METTL21A: variants seen among roughly 807,000 people sequenced by gnomAD.
METTL21A encodes methyltransferase 21A, HSPA lysine.
A neutral mutation model predicts 20.9 loss-of-function variants in METTL21A; 22 were observed. The ratio of observed to expected loss-of-function variants is 1.05; its 90% CI spans 0.75 to 1.50. The LOEUF is 1.50. Among genes scored for constraint, METTL21A ranks in the 40% most tolerant of loss-of-function variants. METTL21A has a pLI of 0.00. For missense variants in METTL21A, 271 were observed against 266.8 expected (o/e 1.02, Z -0.11); for synonymous variants, 93 against 102.0 (o/e 0.91, Z 0.53).
intron 3 of METTL21A, chr2:207,601,931 C>A (rs772718974): frequency 1.1e-4 from 24 of 211,386 alleles, no homozygotes; most frequent in Admixed American, 2.4e-4. Flanking sequence ...TACACAGTCA[C>A]TGTATGTACT....
chr2:207,597,258 C>T, intron 3 of METTL21A: 1 of 493,362 alleles, frequency 2.0e-6, no homozygotes, highest in Admixed American at 4.4e-5. Context: ...CACTTCTCCC[C>T]TCAAGAAATT....
In METTL21A at chr2:207,594,991, CTT is replaced by C. The variant is rs751274446; in HGVS notation, c.260-12833_260-12832del. 1.9e-3 allele frequency among the ~76,000 whole-genome samples: 223 copies of C among 118,832 alleles called. 3 individuals are homozygous for C. The highest frequency in any genetic ancestry group is 6.4e-3 in the African/African-American group (206 of 32,110). The allele number at this position is 118,832 out of a possible 152,430, so 78.0% of individuals were successfully genotyped here. A position where few individuals can be genotyped will look rare whatever the true frequency, so the allele number is the denominator to read the frequency against. ...CCTAGTGATTAGTGATGTTGAGCATCTTTTTTTTTTTTTTTTTTTTTCTGAGA... is the reference window on the plus strand; with the variant it reads ...CCTAGTGATTAGTGATGTTGAGCATCTTTTTTTTTTTTTTTTTTTCTGAGA... On this transcript the variant is annotated intron_variant, in intron 3 of 3. Coordinates refer to the METTL21A transcript ENST00000425132.
chr2:207,602,886 T>TC, intron 3 of METTL21A: 1 of 217,254 alleles, frequency 4.6e-6, no homozygotes, highest in Admixed American at 5.8e-5. Flanking sequence ...CAGTTGTAAC[T>TC]CCCCCACTCC....
At chr2:207,598,505 C>G (rs925604563) in intron 3 of METTL21A, 1 of 166,264 alleles carries the variant, frequency 6.0e-6, no homozygotes, top group Non-Finnish European at 1.3e-5. Context: ...AAAAAAAAGA[C>G]TAAGGTGGAT....
In METTL21A at chr2:207,624,223, A is replaced by G. The variant is rs532275559; in HGVS notation, c.147+6T>C. The G allele has an allele frequency of 1.9e-5, 30 of 1,597,216 alleles. No individual in the cohort carries two copies. Among genetic ancestry groups the G allele is most frequent in the Admixed American group, 3.6e-5 (2 of 55,728 alleles). ...CGTTTTCAGAGGTCCCCCAGGGCTT[A>G]CTTACCGCATCCCAAACCACCGCTG... On this transcript the variant is annotated splice_donor_region_variant and intron_variant, in intron 2 of 3. Coordinates refer to ENST00000406927, the Ensembl canonical transcript of METTL21A.
chr2:207,613,504 G>C (rs1232573668), intron 3 of METTL21A, 61 bp from the exon 4 acceptor site: 5 of 1,457,132 alleles, frequency 3.4e-6, no homozygotes, highest in Non-Finnish European at 3.7e-6. Flanking sequence ...TAGGTAGAGA[G>C]GGGGTCAAGT....
intron 3 of METTL21A, among the ~76,000 whole-genome samples, chr2:207,585,803 T>C (rs558023509): frequency 7.9e-5 from 12 of 152,284 alleles, no homozygotes; most frequent in Non-Finnish European, 1.6e-4. Flanking sequence ...TTCTGAACTT[T>C]AAGAGAGAGG....
At chr2:207,601,546 A>G (rs1806584) in intron 3 of METTL21A, 25,948 of 199,054 alleles carry the variant, frequency 0.13, 2,253 homozygotes, top group Non-Finnish European at 0.19. Context: ...ACTCAAGTGC[A>G]TAATATTTAT....
intron 3 of METTL21A, chr2:207,599,947 G>A (rs548266051): frequency 5.2e-6 from 1 of 193,212 alleles, no homozygotes; most frequent in South Asian, 1.9e-4. Flanking sequence ...CAAATATAGG[G>A]CCATGTGGCA....
chr2:207,616,893 C>T (rs2089829731), intron 3 of METTL21A, among the ~76,000 whole-genome samples: 1 of 152,182 alleles, frequency 6.6e-6, no homozygotes, highest in African/African-American at 2.4e-5. Flanking sequence ...TTCAGCCCCA[C>T]TCAGCCACAG....
intron 3 of METTL21A, among the ~76,000 whole-genome samples, chr2:207,596,016 C>T (rs1181987513): frequency 6.6e-6 from 1 of 152,120 alleles, no homozygotes; most frequent in African/African-American, 2.4e-5. Flanking sequence ...GCTTTTGTTA[C>T]CTCTGCTTTT....
At chr2:207,619,852 C>A (rs910619390) in intron 3 of METTL21A, among the ~76,000 whole-genome samples, 1 of 152,154 alleles carries the variant, frequency 6.6e-6, no homozygotes, top group Admixed American at 6.5e-5. Flanking sequence ...ATGTTATACA[C>A]GCAATCTCAT....
chr2:207,602,379 G>A (rs1377015779), intron 3 of METTL21A: 1 of 202,598 alleles, frequency 4.9e-6, no homozygotes, highest in African/African-American at 2.3e-5. Flanking sequence ...GGTATGACAT[G>A]ATACATTTTT....
upstream of METTL21A, chr2:207,625,483 G>C (rs2107409497): frequency 6.6e-6 from 1 of 152,432 alleles, no homozygotes; most frequent in South Asian, 2.1e-4. Context: ...GAGTGACGTT[G>C]CGGGAGGGGG....
At chr2:207,618,328 T>C (rs1466583527) in intron 3 of METTL21A, among the ~76,000 whole-genome samples, 1 of 152,194 alleles carries the variant, frequency 6.6e-6, no homozygotes, top group African/African-American at 2.4e-5. Flanking sequence ...AAACCACAGA[T>C]AGTAACAAAC....
downstream of METTL21A, among the ~76,000 whole-genome samples, chr2:207,608,029 T>C (rs1182730613): frequency 6.6e-6 from 1 of 152,036 alleles, no homozygotes; most frequent in Admixed American, 6.6e-5. Context: ...TCCAGGAATG[T>C]TGGTGGCTGA....
chr2:207,598,546 G>A (rs184610034), intron 3 of METTL21A: 1 of 177,496 alleles, frequency 5.6e-6, no homozygotes, highest in East Asian at 9.4e-5. Flanking sequence ...ATAATGTTAG[G>A]TTATAATTTC....
chr2:207,581,470 A>G (rs1221433660), downstream of METTL21A: 1 of 202,936 alleles, frequency 4.9e-6, no homozygotes, highest in Non-Finnish European at 1.0e-5. Flanking sequence ...TTACACAAGT[A>G]AAACATGTTC....
intron 3 of METTL21A, among the ~76,000 whole-genome samples, chr2:207,591,477 A>G (rs2085017277): frequency 1.3e-5 from 2 of 152,184 alleles, no homozygotes; most frequent in South Asian, 4.1e-4. Context: ...CCCAGGCTGG[A>G]GTGCAATGGC....
Sources: allele counts gnomAD v4.1 joint callset (sites outside exome capture counted in the v4.1 genomes callset), GRCh38; gene constraint gnomAD v4.1.1; transcripts MANE v1.5; gene names NCBI Gene and HGNC (gene_info 2026-07-23, HGNC 2026-07-21).